Variants in TOGARAM1 observed in about 807,000 individuals in gnomAD.
The protein encoded by TOGARAM1 is TOG array regulator of axonemal microtubules 1, also known as TOG array regulator of axonemal microtubules protein 1.
TOGARAM1 carries 100 observed loss-of-function variants against 166.6 expected under a neutral mutation model. The observed-to-expected ratio is 0.60, with a 90% CI of 0.51 to 0.71. The LOEUF is 0.71. TOGARAM1 is among the 30% of genes least tolerant of loss of function. TOGARAM1 has a pLI of 0.00. For missense variants in TOGARAM1, 2,029 were observed against 2,102.7 expected (o/e 0.96, Z 0.69); for synonymous variants, 758 against 763.8 (o/e 0.99, Z 0.13).
intron 14 of TOGARAM1, among the ~76,000 whole-genome samples, chr14:45,047,429 C>T (rs1882126837): frequency 6.6e-6 from 1 of 151,078 alleles, no homozygotes; most frequent in Admixed American, 6.6e-5. Context: ...AGGAATAATG[C>T]ATAACAATAT....
chr14:45,019,812 G>A (rs994943366), intron 7 of TOGARAM1, among the ~76,000 whole-genome samples: 1 of 152,144 alleles, frequency 6.6e-6, no homozygotes, highest in African/African-American at 2.4e-5. Context: ...CTTTCTCTCA[G>A]TCCGCCCTCT....
chr14:45,022,096 TC>T (rs1325904882), intron 7 of TOGARAM1, among the ~76,000 whole-genome samples: 1 of 151,956 alleles, frequency 6.6e-6, no homozygotes, highest in Non-Finnish European at 1.5e-5. Context: ...GATTGTGGCC[TC>T]CAGGTGCAGT....
chr14:45,043,718 G>A lies in TOGARAM1; in HGVS notation c.3845G>A (p.Arg1282Lys), dbSNP rs748684544. 2 of 1,612,896 alleles carry A rather than the reference G, an allele frequency of 1.2e-6. No individual in the cohort carries two copies. Among genetic ancestry groups the A allele is most frequent in the African/African-American group, 2.7e-5 (2 of 74,868 alleles). The change falls in exon 12 of 20, where the codon AGA becomes AAA. Residue 1282 changes from arginine (R) to lysine (K), a missense_variant. Transcript: ENST00000361462. The stretch of plus-strand genomic sequence containing the variant: ...AAAATTGAGGGACTGAATTTTATTA[G>A]ATGCTTAGCTGCTTTTCATTCTGAG... ...EKKIEGLNFI[R>K]CLAAFHSEIL...
At chr14:45,067,130 G>A (rs1883174611) in intron 17 of TOGARAM1, among the ~76,000 whole-genome samples, 1 of 151,918 alleles carries the variant, frequency 6.6e-6, no homozygotes. Context: ...AATAAGCTTA[G>A]TGAAAAGAAT....
At chr14:45,027,634 C>T (rs966577580) in intron 9 of TOGARAM1, among the ~76,000 whole-genome samples, 160 bp downstream of exon 9, 1 of 151,982 alleles carries the variant, frequency 6.6e-6, no homozygotes, top group Non-Finnish European at 1.5e-5. Flanking sequence ...AGCCCTGTCT[C>T]TAGGAAAAAT....
At chr14:45,073,193 T>C in intron 19 of TOGARAM1, 103 bp from the exon 20 acceptor site, 1 of 1,149,268 alleles carries the variant, frequency 8.7e-7, no homozygotes, top group Non-Finnish European at 1.2e-6. Flanking sequence ...TAGGACAAAT[T>C]ACATAAGGAA....
At chr14:45,071,670 C>T in intron 18 of TOGARAM1, 42 bp from the exon 19 acceptor site, 1 of 1,365,312 alleles carries the variant, frequency 7.3e-7, no homozygotes, top group Non-Finnish European at 1.0e-6. Context: ...ACTAAGAGCT[C>T]ATTACTCTTT....
chr14:45,018,927 A>T (rs112398084), intron 7 of TOGARAM1, among the ~76,000 whole-genome samples: 2,945 of 152,282 alleles, frequency 0.019, 60 homozygotes, highest in Non-Finnish European at 0.03. Context: ...CCTTTTTTAG[A>T]TGGCAGAATC....
intron 12 of TOGARAM1, among the ~76,000 whole-genome samples, chr14:45,044,114 A>G (rs1015048894): frequency 1.3e-5 from 2 of 151,498 alleles, no homozygotes; most frequent in Admixed American, 1.3e-4. Flanking sequence ...GGTTCAAGAG[A>G]CTCTCCTGCC....
chr14:45,054,615 T>C, intron 16 of TOGARAM1, 66 bp downstream of exon 16: 1 of 1,204,950 alleles, frequency 8.3e-7, no homozygotes, highest in Non-Finnish European at 1.2e-6. Context: ...CATTTGGATG[T>C]TTTCATAAAC....
chr14:45,002,344 G>T (rs1012286132), intron 3 of TOGARAM1, among the ~76,000 whole-genome samples: 1 of 152,040 alleles, frequency 6.6e-6, no homozygotes, highest in Non-Finnish European at 1.5e-5. Context: ...TTGCCTTTGA[G>T]GACTATCCAC....
In TOGARAM1 at chr14:45,073,434, C is replaced by T; in HGVS notation, c.5195C>T (p.Ala1732Val). Reference sequence around the variant, plus strand: ...GGAGGAAATATACGAACAGCCACAGCTAAATTATCAAAAGCACTCTTTGCA... The same window carrying T: ...GGAGGAAATATACGAACAGCCACAGTTAAATTATCAAAAGCACTCTTTGCA... The part of the protein sequence containing the change: ...GAGGNIRTAT[A>V]KLSKALFAQM... The change falls in exon 20 of 20, where the codon GCT (alanine) becomes GTT (valine). Residue 1732 changes from alanine to valine, a missense_variant. Ala to Val is a moderately conservative substitution (Grantham distance 64). Coordinates refer to ENST00000361462, the MANE Select transcript of TOGARAM1 (RefSeq NM_001308120.2). 1 of 1,614,126 alleles carries T rather than the reference C, an allele frequency of 6.2e-7. No homozygotes were observed. Among genetic ancestry groups the T allele is most frequent in the Non-Finnish European group, 8.5e-7 (1 of 1,180,028 alleles).
intron 7 of TOGARAM1, among the ~76,000 whole-genome samples, chr14:45,016,409 C>A (rs1007022244): frequency 1.3e-5 from 2 of 152,140 alleles, no homozygotes; most frequent in Non-Finnish European, 2.9e-5. Flanking sequence ...AAGCCGGGTG[C>A]AGTGGCTCAC....
intron 16 of TOGARAM1, among the ~76,000 whole-genome samples, chr14:45,062,243 G>C (rs1882931059): frequency 6.6e-6 from 1 of 151,962 alleles, no homozygotes; most frequent in Non-Finnish European, 1.5e-5. Context: ...TGTATTTGTG[G>C]ATTTATTTAT....
chr14:45,070,385 G>A (rs1382929190), intron 18 of TOGARAM1, among the ~76,000 whole-genome samples: 2 of 152,196 alleles, frequency 1.3e-5, no homozygotes, highest in African/African-American at 4.8e-5. Context: ...GCAGGGGAAA[G>A]TCATGACATG....
intron 18 of TOGARAM1, 112 bp downstream of exon 18, chr14:45,068,755 CTT>C (rs1883250576): frequency 2.8e-6 from 2 of 706,814 alleles, no homozygotes; most frequent in South Asian, 2.7e-5. Flanking sequence ...GTTTTTTAAA[CTT>C]AATATTATCA....
At chr14:44,987,012 A>G (rs1886850536) in intron 1 of TOGARAM1, among the ~76,000 whole-genome samples, 1 of 151,692 alleles carries the variant, frequency 6.6e-6, no homozygotes, top group East Asian at 1.9e-4. Flanking sequence ...CTCAAAAAAA[A>G]AAAAAAAGAA....
chr14:45,067,833 A>T (rs2139005197), intron 17 of TOGARAM1, among the ~76,000 whole-genome samples: 1 of 152,278 alleles, frequency 6.6e-6, no homozygotes, highest in Non-Finnish European at 1.5e-5. Flanking sequence ...TGACATGACT[A>T]AAGGATTGTT....
rs1883502613 is a variant in TOGARAM1, at chr14:45,074,135, A to G, written c.*574A>G. On this transcript the variant is annotated 3_prime_UTR_variant, in exon 20 of 20. Transcript: ENST00000361462. Reference sequence around the variant, plus strand: ...GGTTCAATTATCTACATAATTGTGAAATTTAACAAGTTATAATAAAGCATG... The same window carrying G: ...GGTTCAATTATCTACATAATTGTGAGATTTAACAAGTTATAATAAAGCATG... The G allele has an allele frequency of 6.6e-6, 1 of 152,666 alleles. No homozygotes were observed. Among genetic ancestry groups the G allele is most frequent in the Admixed American group, 6.5e-5 (1 of 15,284 alleles). The allele number at this position is 152,666 out of a possible 1,614,324, so 9.5% of individuals were successfully genotyped here. A position where few individuals can be genotyped will look rare whatever the true frequency, so the allele number is the denominator to read the frequency against.
Sources: gnomAD v4.1 joint callset for allele counts (sites outside exome capture counted in the v4.1 genomes callset) on GRCh38, gnomAD v4.1.1 for gene constraint, MANE v1.5 for transcripts, NCBI Gene and HGNC (gene_info 2026-07-23, HGNC 2026-07-21) for gene names.